Variants in TLE4 observed in about 807,000 individuals in gnomAD.
TLE4 encodes transducin-like enhancer protein 4.
TLE4 carries 8 observed loss-of-function variants against 92.8 expected under a neutral mutation model. The observed-to-expected ratio is 0.09, with a 90% CI of 0.05 to 0.16. The LOEUF (loss-of-function observed/expected upper bound fraction) is 0.16. TLE4 is among the 10% of genes least tolerant of loss of function. The pLI, the probability that TLE4 is intolerant of heterozygous loss-of-function variation, is 1.00. For missense variants in TLE4, 675 were observed against 997.6 expected (o/e 0.68, Z 4.36); for synonymous variants, 371 against 374.1 (o/e 0.99, Z 0.10).
chr9:79,688,239 C>T (rs546754020), intron 8 of TLE4, among the ~76,000 whole-genome samples: 4 of 152,264 alleles, frequency 2.6e-5, no homozygotes, highest in Admixed American at 6.5e-5. Flanking sequence ...CTTCAACCCC[C>T]GAAAGACTGA....
chr9:79,691,723 G>A (rs1375087472), intron 8 of TLE4, among the ~76,000 whole-genome samples: 1 of 152,150 alleles, frequency 6.6e-6, no homozygotes, highest in Non-Finnish European at 1.5e-5. Flanking sequence ...GCTGTCAGGA[G>A]GTTTGGCTCC....
chr9:79,679,304 T>C (rs1208318563), intron 8 of TLE4, among the ~76,000 whole-genome samples: 2 of 152,152 alleles, frequency 1.3e-5, no homozygotes, highest in Admixed American at 6.6e-5. Context: ...ACTTTAATGA[T>C]CGCCATTCTA....
intron 5 of TLE4, among the ~76,000 whole-genome samples, chr9:79,618,523 A>G (rs1444832702): frequency 6.6e-6 from 1 of 152,174 alleles, no homozygotes; most frequent in Non-Finnish European, 1.5e-5. Flanking sequence ...TATTAAACTC[A>G]TGGTCATTGT....
At chr9:79,629,587 A>T (rs551400462) in intron 6 of TLE4, among the ~76,000 whole-genome samples, 2 of 152,238 alleles carry the variant, frequency 1.3e-5, no homozygotes, top group Non-Finnish European at 2.9e-5. Context: ...ACGTGCTATC[A>T]ACGCGGCATA....
intron 4 of TLE4, among the ~76,000 whole-genome samples, chr9:79,597,673 A>T (rs1260389270): frequency 1.3e-5 from 2 of 152,046 alleles, no homozygotes; most frequent in Non-Finnish European, 2.9e-5. Context: ...GCAGCTGATT[A>T]TTGTCCTTCC....
intron 8 of TLE4, among the ~76,000 whole-genome samples, chr9:79,680,569 C>T (rs2064305991): frequency 6.6e-6 from 1 of 152,174 alleles, no homozygotes; most frequent in Admixed American, 6.5e-5. Context: ...ATGTCATCTG[C>T]AAACAGGGAG....
intron 4 of TLE4, among the ~76,000 whole-genome samples, chr9:79,596,684 T>C (rs2044117243): frequency 6.6e-6 from 1 of 152,174 alleles, no homozygotes; most frequent in South Asian, 2.1e-4. Flanking sequence ...GCCACTCAAT[T>C]TGTAGCACTA....
chr9:79,605,738 T>G (rs2046688093), intron 4 of TLE4, among the ~76,000 whole-genome samples: 1 of 152,158 alleles, frequency 6.6e-6, no homozygotes, highest in Non-Finnish European at 1.5e-5. Context: ...AGTAGCCCCA[T>G]GTATCTTGTT....
chr9:79,634,386 A>C (rs778633783), intron 6 of TLE4, among the ~76,000 whole-genome samples: 67 of 152,222 alleles, frequency 4.4e-4, no homozygotes, highest in Non-Finnish European at 1.2e-4. Context: ...CATAAGAATG[A>C]AGCAGCATAC....
At chr9:79,712,459 CT>C (rs1454691724) in intron 14 of TLE4, among the ~76,000 whole-genome samples, 1 of 152,086 alleles carries the variant, frequency 6.6e-6, no homozygotes, top group Admixed American at 6.6e-5. Context: ...CAAGACAAAA[CT>C]TTTTTAAGTG....
chr9:79,588,476 A>G (rs2041767950), intron 4 of TLE4, among the ~76,000 whole-genome samples: 1 of 152,124 alleles, frequency 6.6e-6, no homozygotes, highest in Non-Finnish European at 1.5e-5. Flanking sequence ...TGAAAAAACA[A>G]ATCGTCTGCT....
At chr9:79,684,196 CTGAT>C (rs750645923) in intron 8 of TLE4, among the ~76,000 whole-genome samples, 8 of 152,190 alleles carry the variant, frequency 5.3e-5, no homozygotes, top group Non-Finnish European at 1.2e-4. Context: ...TTTGCTACAT[CTGAT>C]TGGTCTCTGT....
chr9:79,666,226 T>TG (rs2061394611), intron 8 of TLE4, among the ~76,000 whole-genome samples: 7 of 117,258 alleles, frequency 6.0e-5, no homozygotes, highest in South Asian at 2.5e-4. Flanking sequence ...TGTTTTTTTT[T>TG]TTTTTTTTTT....
In TLE4 at chr9:79,720,374, A is replaced by ATGGG. The variant is rs1358755215; in HGVS notation, c.1838+84_1838+87dup. On this transcript the variant is annotated intron_variant, in intron 16 of 19. Transcript: ENST00000376552. ...TTGCCAAAGTGCTGTGTATATAGGT[A>ATGGG]TGGGTGTGTGTGTGTGTGTGTGTGT... The ATGGG allele has an allele frequency of 2.6e-5, 31 of 1,174,568 alleles. No individual in the cohort carries two copies. In the African/African-American group the frequency reaches 6.6e-4, roughly 25 times the overall value. 72.8% of individuals were successfully genotyped at this position (1,174,568 alleles called of 1,614,324 possible).
intron 8 of TLE4, among the ~76,000 whole-genome samples, chr9:79,672,328 A>G (rs1287934886): frequency 6.6e-6 from 1 of 152,178 alleles, no homozygotes; most frequent in African/African-American, 2.4e-5. Context: ...ATAACCAACC[A>G]ACATGGCCAA....
chr9:79,674,301 C>G (rs562975484), intron 8 of TLE4, among the ~76,000 whole-genome samples: 15 of 150,564 alleles, frequency 1.0e-4, no homozygotes, highest in Non-Finnish European at 1.9e-4. Flanking sequence ...GCTATTATCT[C>G]CGTGTTGCAG....
chr9:79,677,013 G>A (rs892962811), intron 8 of TLE4, among the ~76,000 whole-genome samples: 6 of 152,010 alleles, frequency 3.9e-5, no homozygotes, highest in Non-Finnish European at 5.9e-5. Flanking sequence ...TATTATGGAA[G>A]GTATAATGGT....
chr9:79,677,608 ATTTTT>A (rs61013131), intron 8 of TLE4, among the ~76,000 whole-genome samples: 2 of 135,104 alleles, frequency 1.5e-5, no homozygotes, highest in Admixed American at 1.5e-4. Flanking sequence ...TTGTTTCTTC[ATTTTT>A]TTTTTTTTTT....
intron 4 of TLE4, among the ~76,000 whole-genome samples, chr9:79,586,371 A>G (rs1216661209): frequency 6.6e-6 from 1 of 151,604 alleles, no homozygotes. Context: ...CAAAAAAAAA[A>G]AAAGAAAAGA....
Sources: allele counts gnomAD v4.1 joint callset (sites outside exome capture counted in the v4.1 genomes callset), GRCh38; gene constraint gnomAD v4.1.1; transcripts MANE v1.5; gene names NCBI Gene and HGNC (gene_info 2026-07-23, HGNC 2026-07-21).